CSMD1: variants seen among roughly 807,000 people sequenced by gnomAD.
CSMD1 encodes the protein CUB and Sushi multiple domains 1, also known as CUB and sushi domain-containing protein 1.
A neutral mutation model predicts 417.5 loss-of-function variants in CSMD1; 213 were observed. The observed-to-expected ratio is 0.51, with a 90% CI of 0.46 to 0.57. CSMD1 has a LOEUF of 0.57. CSMD1 is among the 20% of genes least tolerant of loss of function. The probability of loss-of-function intolerance (pLI) is 0.00; values close to 1 mark genes in which losing one functional copy is unlikely to be tolerated. For synonymous variants in CSMD1, 2,862 were observed against 1,736.8 expected (o/e 1.65, Z -16.11); for missense variants, 6,923 against 4,529.7 (o/e 1.53, Z -15.17).
intron 3 of CSMD1, among the ~76,000 whole-genome samples, chr8:4,361,921 C>T (rs570270712): frequency 1.3e-4 from 20 of 152,120 alleles, no homozygotes; most frequent in South Asian, 6.2e-4. Context: ...CTCCACTGCA[C>T]GCCAAGGCCC....
At chr8:4,691,653 G>A (rs143806217) in intron 1 of CSMD1, among the ~76,000 whole-genome samples, 71 of 152,284 alleles carry the variant, frequency 4.7e-4, no homozygotes, top group African/African-American at 1.6e-3. Flanking sequence ...TGTCTGCCTT[G>A]ATGGAGTGAA....
At chr8:3,034,284 A>G (rs1203323298) in intron 50 of CSMD1, among the ~76,000 whole-genome samples, 6 of 152,186 alleles carry the variant, frequency 3.9e-5, no homozygotes, top group Non-Finnish European at 7.3e-5. Flanking sequence ...ACTGTTTTCC[A>G]TAGTTTCCAG....
At chr8:4,124,525 A>C (rs1647327) in intron 3 of CSMD1, among the ~76,000 whole-genome samples, 2 of 152,134 alleles carry the variant, frequency 1.3e-5, no homozygotes, top group African/African-American at 2.4e-5. Flanking sequence ...TTCAAGTATC[A>C]AAGCCCTGAG....
rs551136098 is a variant in CSMD1, at chr8:4,638,278, T to A, written c.86-720A>T. Among the ~76,000 whole-genome samples the A allele has an allele frequency of 2.6e-5, 4 of 152,232 alleles. No individual in the cohort carries two copies. In the South Asian group the frequency reaches 6.2e-4, roughly 24 times the overall value. On this transcript the variant is annotated intron_variant, in intron 1 of 69. Coordinates refer to ENST00000635120, the MANE Select transcript of CSMD1 (RefSeq NM_033225.6). Reference sequence around the variant, plus strand: ...CAGAAGAATAAACATTATAAAACTATATACATACACACCTAGCCACATAAC... The same window carrying A: ...CAGAAGAATAAACATTATAAAACTAAATACATACACACCTAGCCACATAAC...
At chr8:4,941,105 T>C (rs898043858) in intron 1 of CSMD1, among the ~76,000 whole-genome samples, 4 of 152,190 alleles carry the variant, frequency 2.6e-5, no homozygotes, top group Admixed American at 6.5e-5. Context: ...AATTTTGGAG[T>C]TTGTCTTTCG....
chr8:3,604,983 C>T (rs1377260661), intron 8 of CSMD1, among the ~76,000 whole-genome samples: 2 of 152,094 alleles, frequency 1.3e-5, no homozygotes, highest in Non-Finnish European at 2.9e-5. Flanking sequence ...AAAAATGATT[C>T]AATAACACAA....
At chr8:4,651,364 C>A (rs1480082456) in intron 1 of CSMD1, among the ~76,000 whole-genome samples, 1 of 152,048 alleles carries the variant, frequency 6.6e-6, no homozygotes, top group African/African-American at 2.4e-5. Flanking sequence ...TCAAGCAGAT[C>A]AGCTCAAGCA....
intron 1 of CSMD1, among the ~76,000 whole-genome samples, chr8:4,684,613 G>C (rs1806256694): frequency 6.6e-6 from 1 of 152,074 alleles, no homozygotes; most frequent in Non-Finnish European, 1.5e-5. Context: ...ACCCTCTTTT[G>C]AAAATTAGGA....
At chr8:4,794,016 T>A (rs1223239212) in intron 1 of CSMD1, among the ~76,000 whole-genome samples, 1 of 152,130 alleles carries the variant, frequency 6.6e-6, no homozygotes, top group Non-Finnish European at 1.5e-5. Flanking sequence ...TTAAAAGCAG[T>A]TTCTTATAAA....
chr8:4,058,646 T>A (rs2130728454), intron 3 of CSMD1, among the ~76,000 whole-genome samples: 1 of 148,900 alleles, frequency 6.7e-6, no homozygotes, highest in Non-Finnish European at 1.5e-5. Context: ...GCAATCCTAG[T>A]CTCTGATAAA....
intron 1 of CSMD1, among the ~76,000 whole-genome samples, chr8:4,688,817 C>T (rs562151803): frequency 2.0e-5 from 3 of 152,286 alleles, no homozygotes; most frequent in East Asian, 1.9e-4. Flanking sequence ...CTGTAAACAT[C>T]GCAAGTGGTC....
At chr8:4,689,628 G>T (rs886926009) in intron 1 of CSMD1, among the ~76,000 whole-genome samples, 6 of 152,140 alleles carry the variant, frequency 3.9e-5, no homozygotes, top group African/African-American at 1.4e-4. Context: ...GGACAGAAAA[G>T]GTGTAAGACA....
At chr8:3,908,284 C>T (rs979115525) in intron 5 of CSMD1, among the ~76,000 whole-genome samples, 1 of 152,046 alleles carries the variant, frequency 6.6e-6, no homozygotes, top group African/African-American at 2.4e-5. Context: ...AGAAATCTTC[C>T]CAACATCGCA....
At chr8:3,119,856 G>A (rs192144447) in intron 41 of CSMD1, among the ~76,000 whole-genome samples, 22 of 152,182 alleles carry the variant, frequency 1.4e-4, no homozygotes, top group Non-Finnish European at 2.5e-4. Flanking sequence ...AACCCTCAGC[G>A]CCAGGCAACA....
At chr8:4,500,275 G>A (rs902897671) in intron 2 of CSMD1, among the ~76,000 whole-genome samples, 13 of 152,144 alleles carry the variant, frequency 8.5e-5, no homozygotes, top group African/African-American at 3.1e-4. Flanking sequence ...TCGTCAGCGA[G>A]TGTCAATTAT....
intron 3 of CSMD1, among the ~76,000 whole-genome samples, chr8:4,243,765 G>C (rs1449815646): frequency 6.6e-6 from 1 of 152,128 alleles, no homozygotes; most frequent in East Asian, 1.9e-4. Context: ...CATCATTCTA[G>C]TATTCAACGA....
At chr8:4,929,975 G>A (rs543994817) in intron 1 of CSMD1, among the ~76,000 whole-genome samples, 1 of 152,306 alleles carries the variant, frequency 6.6e-6, no homozygotes, top group African/African-American at 2.4e-5. Flanking sequence ...TGTGAGATCA[G>A]GAATTTTAAC....
chr8:4,092,839 T>A (rs1044476983), intron 3 of CSMD1, among the ~76,000 whole-genome samples: 1 of 152,190 alleles, frequency 6.6e-6, no homozygotes, highest in Non-Finnish European at 1.5e-5. Flanking sequence ...TCAAAGCACT[T>A]TGCTGGTTGA....
At position 3,706,824 on chromosome 8, in the gene CSMD1, A is replaced by G. The variant is rs1220969501; in HGVS notation, c.1009+1590T>C. On this transcript the variant is annotated intron_variant, in intron 7 of 69. Coordinates refer to ENST00000635120, the MANE Select transcript of CSMD1 (RefSeq NM_033225.6). The stretch of plus-strand genomic sequence containing the variant: ...TACAGAACATTCTATACTAAAAGCT[A>G]ACAATATCAAAATGTTAAAATTTTA... Among the ~76,000 whole-genome samples the G allele has an allele frequency of 2.6e-5, 4 of 152,212 alleles. No homozygotes were observed. The South Asian group carries it at 8.3e-4, about 31-fold the overall frequency.
Sources: allele counts gnomAD v4.1 joint callset (sites outside exome capture counted in the v4.1 genomes callset), GRCh38; gene constraint gnomAD v4.1.1; transcripts MANE v1.5; gene names NCBI Gene and HGNC (gene_info 2026-07-23, HGNC 2026-07-21).